Variants in KAZN observed in about 807,000 individuals in gnomAD.
KAZN encodes the protein kazrin.
A neutral mutation model predicts 87.4 loss-of-function variants in KAZN; 40 were observed. The observed-to-expected ratio is 0.46, with a 90% CI of 0.36 to 0.60. The LOEUF is 0.60. Among genes scored for constraint, KAZN ranks in the 20% least tolerant of loss-of-function variants. KAZN has a pLI of 0.00. For missense variants in KAZN, 898 were observed against 1,073.9 expected (o/e 0.84, Z 2.29); for synonymous variants, 466 against 458.3 (o/e 1.02, Z -0.22).
At chr1:14,246,542 A>G (rs1053968582) in intron 2 of KAZN, among the ~76,000 whole-genome samples, 1 of 152,182 alleles carries the variant, frequency 6.6e-6, no homozygotes, top group East Asian at 1.9e-4. Flanking sequence ...ATATAAAAAT[A>G]TATAACACAC....
At chr1:14,297,319 A>G (rs978178833) in intron 2 of KAZN, among the ~76,000 whole-genome samples, 37 of 152,222 alleles carry the variant, frequency 2.4e-4, no homozygotes, top group African/African-American at 8.7e-4. Flanking sequence ...AGCAAAAGGG[A>G]GGCATGAATG....
At chr1:14,692,805 T>C (rs933910788) in intron 1 of KAZN, among the ~76,000 whole-genome samples, 1 of 152,200 alleles carries the variant, frequency 6.6e-6, no homozygotes, top group African/African-American at 2.4e-5. Context: ...TAGTGGCACA[T>C]GCCTGTAAAC....
At chr1:14,295,983 CTG>C (rs1010624158) in intron 2 of KAZN, among the ~76,000 whole-genome samples, 6 of 152,180 alleles carry the variant, frequency 3.9e-5, no homozygotes, top group African/African-American at 1.4e-4. Context: ...TACTTTCTGT[CTG>C]TGTGACCTGG....
At chr1:14,313,173 C>T (rs895622988) in intron 2 of KAZN, among the ~76,000 whole-genome samples, 1 of 152,132 alleles carries the variant, frequency 6.6e-6, no homozygotes, top group Non-Finnish European at 1.5e-5. Flanking sequence ...TAAAACATTA[C>T]CAGCACCCCA....
intron 1 of KAZN, among the ~76,000 whole-genome samples, chr1:14,812,715 A>G (rs1468530552): frequency 6.6e-6 from 1 of 151,830 alleles, no homozygotes; most frequent in African/African-American, 2.4e-5. Context: ...AGGTCTCACT[A>G]TGTTGCCCAG....
chr1:15,027,609 C>T (rs568285860), intron 2 of KAZN, among the ~76,000 whole-genome samples: 1 of 152,246 alleles, frequency 6.6e-6, no homozygotes, highest in Non-Finnish European at 1.5e-5. Context: ...CTGCCCACCC[C>T]TCATTTCGCA....
chr1:15,023,074 A>G (rs2102174174), intron 2 of KAZN, among the ~76,000 whole-genome samples: 1 of 152,326 alleles, frequency 6.6e-6, no homozygotes, highest in South Asian at 2.1e-4. Flanking sequence ...AGGGGTGGGT[A>G]GGTCCTGAGC....
chr1:14,669,166 C>T (rs1639759738), intron 1 of KAZN, among the ~76,000 whole-genome samples: 1 of 152,202 alleles, frequency 6.6e-6, no homozygotes, highest in African/African-American at 2.4e-5. Context: ...CATCCACCTC[C>T]ACCCCAACTT....
At chr1:14,021,051 C>A (rs1398835732) in intron 1 of KAZN, among the ~76,000 whole-genome samples, 3 of 152,178 alleles carry the variant, frequency 2.0e-5, no homozygotes, top group Non-Finnish European at 4.4e-5. Flanking sequence ...CTTAGCCAAG[C>A]CAGGTTTCTC....
intron 2 of KAZN, among the ~76,000 whole-genome samples, chr1:14,454,656 C>T (rs1571690080): frequency 6.6e-6 from 1 of 152,190 alleles, no homozygotes; most frequent in Non-Finnish European, 1.5e-5. Context: ...ATGAATTCTA[C>T]TGACCTTGGG....
intron 1 of KAZN, among the ~76,000 whole-genome samples, chr1:13,923,591 A>AT (rs1640155925): frequency 1.3e-5 from 2 of 151,034 alleles, no homozygotes; most frequent in Admixed American, 6.6e-5. Context: ...AAAAAAAAAA[A>AT]ATATAATTAC....
intron 4 of KAZN, 100 bp downstream of exon 4, chr1:15,044,259 G>C (rs11808219): frequency 1.2e-5 from 10 of 861,784 alleles, no homozygotes; most frequent in African/African-American, 1.7e-5. Context: ...ACCTAGGGTG[G>C]GGTGGGTGGG....
chr1:14,166,769 G>A (rs1046122805), intron 1 of KAZN, among the ~76,000 whole-genome samples: 12 of 152,092 alleles, frequency 7.9e-5, no homozygotes, highest in Admixed American at 3.3e-4. Flanking sequence ...ATTAAAAGCC[G>A]TTCCTCTGGT....
intron 2 of KAZN, among the ~76,000 whole-genome samples, chr1:14,236,024 G>A (rs892673159): frequency 5.3e-5 from 8 of 152,094 alleles, no homozygotes; most frequent in Non-Finnish European, 1.2e-4. Context: ...GAGAGAAGAC[G>A]CCTTATCTAA....
intron 1 of KAZN, among the ~76,000 whole-genome samples, chr1:14,660,276 GAAT>G (rs772834623): frequency 6.6e-6 from 1 of 152,118 alleles, no homozygotes; most frequent in Non-Finnish European, 1.5e-5. Flanking sequence ...ACAATAAGAC[GAAT>G]AATAACATTT....
At chr1:13,931,625 T>C (rs1194467269) in intron 1 of KAZN, among the ~76,000 whole-genome samples, 4 of 151,984 alleles carry the variant, frequency 2.6e-5, no homozygotes, top group African/African-American at 9.7e-5. Flanking sequence ...TCCAGACTAA[T>C]AAGAGAAGAT....
chr1:14,480,701 T>G (rs964377699), intron 2 of KAZN, among the ~76,000 whole-genome samples: 4 of 145,558 alleles, frequency 2.7e-5, no homozygotes, highest in Non-Finnish European at 6.0e-5. Flanking sequence ...AAATATATAT[T>G]TTTATGTATA....
chr1:14,105,770 G>T (rs2101656725), intron 1 of KAZN, among the ~76,000 whole-genome samples: 1 of 152,300 alleles, frequency 6.6e-6, no homozygotes, highest in African/African-American at 2.4e-5. Context: ...CCCTTGAGCT[G>T]CGTGGAAGAG....
intron 2 of KAZN, among the ~76,000 whole-genome samples, chr1:14,368,390 G>A (rs372713850): frequency 1.3e-5 from 2 of 152,144 alleles, no homozygotes; most frequent in Admixed American, 6.5e-5. Context: ...TTTTCACTTC[G>A]TGTTTGTTGT....
Sources: allele counts gnomAD v4.1 joint callset (sites outside exome capture counted in the v4.1 genomes callset), GRCh38; gene constraint gnomAD v4.1.1; transcripts MANE v1.5; gene names NCBI Gene and HGNC (gene_info 2026-07-23, HGNC 2026-07-21).